NEMF: variants seen among roughly 807,000 people sequenced by gnomAD.
The protein encoded by NEMF is nuclear export mediator factor.
A neutral mutation model predicts 162.2 loss-of-function variants in NEMF; 89 were observed. The observed-to-expected ratio is 0.55, with a 90% CI of 0.46 to 0.65. NEMF has a LOEUF of 0.65. NEMF is among the 30% of genes least tolerant of loss of function. NEMF has a pLI of 0.00. For missense variants in NEMF, 1,133 were observed against 1,261.9 expected (o/e 0.90, Z 1.55); for synonymous variants, 421 against 404.5 (o/e 1.04, Z -0.49).
chr14:49,837,900 G>A (rs1469653539), intron 6 of NEMF, among the ~76,000 whole-genome samples: 2 of 148,900 alleles, frequency 1.3e-5, no homozygotes, highest in African/African-American at 2.5e-5. Flanking sequence ...TGATTTCTTA[G>A]AATACTACCA....
At chr14:49,807,619 G>A (rs1001140395) in intron 18 of NEMF, among the ~76,000 whole-genome samples, 8 of 144,596 alleles carry the variant, frequency 5.5e-5, no homozygotes, top group Admixed American at 3.5e-4. Flanking sequence ...TTTTTGAGAC[G>A]GAGTCTCTCT....
rs1307272753 is a variant in NEMF at position 49,800,641 on chromosome 14, T to C, written c.2151A>G (p.Glu717=). ...GGTCAACCTGAGTCATGAGTTCTACTTCCACAGGAGTTTCATGTTCTTCTT... is the reference window on the plus strand; with the variant it reads ...GGTCAACCTGAGTCATGAGTTCTACCTCCACAGGAGTTTCATGTTCTTCTT... ...EDKEEHETPV[E]VELMTQVDQE... is the part of the protein sequence containing the mutation. The change falls in exon 23 of 33, where the codon GAA becomes GAG. Residue 717 remains glutamate, a synonymous_variant. Coordinates refer to ENST00000298310, the MANE Select transcript of NEMF (RefSeq NM_004713.6). 2 of 1,613,808 alleles carry C rather than the reference T, an allele frequency of 1.2e-6. No homozygotes were observed. Among genetic ancestry groups the C allele is most frequent in the Admixed American group, 3.3e-5 (2 of 59,990 alleles).
chr14:49,842,817 G>A (rs977598342), intron 4 of NEMF, among the ~76,000 whole-genome samples: 16 of 152,232 alleles, frequency 1.1e-4, no homozygotes, highest in Admixed American at 7.2e-4. Context: ...GACCAGACTG[G>A]CCAACATGGT....
At position 49,829,391 on chromosome 14, in the gene NEMF, T is replaced by A; in HGVS notation, c.981A>T (p.Arg327=). The A allele has an allele frequency of 1.2e-6, 2 of 1,614,116 alleles. No individual in the cohort carries two copies. The highest frequency in any genetic ancestry group is 1.7e-6 in the Non-Finnish European group (2 of 1,180,018). ...KQALKKLDNV[R]KDHENRLEAL... is the part of the protein sequence containing the mutation. The stretch of plus-strand genomic sequence containing the variant: ...CTTCCAATCTGTTTTCGTGATCCTT[T>A]CGAACATTATCTAATTTCTTCAATG... Residue 327 remains arginine (R), a synonymous_variant, in exon 12 of 33, where the codon CGA becomes CGT. Transcript: ENST00000298310.
Position 49,806,075 on chromosome 14 carries a change from A to G in NEMF, c.1803T>C (p.Ser601=). ...TEAGTMALCY[S]AAWDARVITS... ...TGATAACTCGTGCATCCCAAGCAGC[A>G]CTGTAGCAAAGTGCCATTGTGCCAG... Residue 601 remains serine (S), a synonymous_variant, in exon 19 of 33, where the codon AGT becomes AGC. Transcript: ENST00000298310. The G allele has an allele frequency of 6.2e-7, 1 of 1,611,936 alleles. No individual in the cohort carries two copies. Among genetic ancestry groups the G allele is most frequent in the Non-Finnish European group, 8.5e-7 (1 of 1,179,256 alleles).
intron 23 of NEMF, among the ~76,000 whole-genome samples, chr14:49,800,206 A>G (rs947789357): frequency 2.0e-5 from 3 of 151,984 alleles, no homozygotes; most frequent in Admixed American, 6.6e-5. Flanking sequence ...ACTTGTTTCT[A>G]TTTGGATCTA....
chr14:49,817,763 C>G (rs758792120), intron 16 of NEMF, among the ~76,000 whole-genome samples: 71 of 152,170 alleles, frequency 4.7e-4, no homozygotes, highest in Admixed American at 9.2e-4. Flanking sequence ...CTTACCAAAA[C>G]TAGGAAATTT....
In NEMF at chr14:49,783,002, T is replaced by C. The variant is rs1328017764; in HGVS notation, c.*1634A>G. On this transcript the variant is annotated 3_prime_UTR_variant, in exon 33 of 33. Transcript: ENST00000298310. Reference sequence around the variant, plus strand: ...TCACCTTGCATGGACAGCAATCCTGTAAACATCACAGAGTGGCATCATTTG... The same window carrying C: ...TCACCTTGCATGGACAGCAATCCTGCAAACATCACAGAGTGGCATCATTTG... 6.3e-7 allele frequency: 1 copy of C among 1,575,884 alleles called. No individual in the cohort carries two copies. The highest frequency in any genetic ancestry group is 8.6e-7 in the Non-Finnish European group (1 of 1,156,908).
At chr14:49,837,441 C>T (rs1337859724) in intron 6 of NEMF, among the ~76,000 whole-genome samples, 1 of 151,716 alleles carries the variant, frequency 6.6e-6, no homozygotes, top group Non-Finnish European at 1.5e-5. Context: ...TGCTTGAGCT[C>T]GGAGTTTGAG....
At chr14:49,787,063 A>C in intron 28 of NEMF, 1 of 217,238 alleles carries the variant, frequency 4.6e-6, no homozygotes, top group Non-Finnish European at 9.1e-6. Flanking sequence ...TACAAGTACA[A>C]TTTAAAATGA....
chr14:49,782,566 T>C lies in NEMF; in HGVS notation c.*2070A>G. The C allele has an allele frequency of 6.2e-7, 1 of 1,607,244 alleles. No individual in the cohort carries two copies. The highest frequency in any genetic ancestry group is 8.5e-7 in the Non-Finnish European group (1 of 1,175,736). On this transcript the variant is annotated 3_prime_UTR_variant, in exon 33 of 33. Transcript: ENST00000298310. ...GGCACACAGTAATGAAATACTAATATTTTCAGTTCAACCAAAATCTCTTGT... is the reference window on the plus strand; with the variant it reads ...GGCACACAGTAATGAAATACTAATACTTTCAGTTCAACCAAAATCTCTTGT...
chr14:49,832,268 T>A lies in NEMF; in HGVS notation c.745A>T (p.Ile249Phe). Residue 249 changes from isoleucine to phenylalanine, a missense_variant, in exon 9 of 33, where the codon ATT (isoleucine) becomes TTT (phenylalanine). Coordinates refer to ENST00000298310, the MANE Select transcript of NEMF (RefSeq NM_004713.6). ...CTTGGTTTTATTTCTCTTTTCTGAATGATATATCCCTACAAAAATGCAACA... is the reference window on the plus strand; with the variant it reads ...CTTGGTTTTATTTCTCTTTTCTGAAAGATATATCCCTACAAAAATGCAACA... ...TSNFSGKGYIIQKREIKPSLE... is the reference protein window; with the variant it reads ...TSNFSGKGYIFQKREIKPSLE... 1 of 1,587,424 alleles carries A rather than the reference T, an allele frequency of 6.3e-7. No homozygotes were observed. Among genetic ancestry groups the A allele is most frequent in the Non-Finnish European group, 8.6e-7 (1 of 1,159,058 alleles).
In NEMF at chr14:49,784,908, C is replaced by T; in HGVS notation, c.3153+17G>A. On this transcript the variant is annotated intron_variant, in intron 32 of 32. Coordinates refer to ENST00000298310, the MANE Select transcript of NEMF (RefSeq NM_004713.6). ...TACTGTCAGTCTCCACATTCCTTTT[C>T]TGAAGGAGAACTTTACCTTTACGCT... The T allele has an allele frequency of 1.9e-6, 3 of 1,605,724 alleles. No homozygotes were observed. The highest frequency in any genetic ancestry group is 2.6e-6 in the Non-Finnish European group (3 of 1,173,420).
intron 16 of NEMF, among the ~76,000 whole-genome samples, chr14:49,817,896 G>A (rs1021993777): frequency 6.6e-6 from 1 of 152,052 alleles, no homozygotes; most frequent in African/African-American, 2.4e-5. Context: ...ACTGAAAAAG[G>A]AACACTTTCC....
At chr14:49,831,870 C>T (rs1037187430) in intron 10 of NEMF, among the ~76,000 whole-genome samples, 181 bp downstream of exon 10, 1 of 152,218 alleles carries the variant, frequency 6.6e-6, no homozygotes, top group African/African-American at 2.4e-5. Flanking sequence ...GTCCTTCATC[C>T]TGAAATAAAG....
At position 49,846,542 on chromosome 14, in the gene NEMF, T is replaced by C. The variant is rs531613067; in HGVS notation, c.232-277A>G. On this transcript the variant is annotated intron_variant, in intron 3 of 32. Transcript: ENST00000298310. ...GCCCAGTGGTGTGATCATGGCTCGCTGCAGCCTCGACTTCCCTGGCTCAGG... is the reference window on the plus strand; with the variant it reads ...GCCCAGTGGTGTGATCATGGCTCGCCGCAGCCTCGACTTCCCTGGCTCAGG... 4.6e-5 allele frequency among the ~76,000 whole-genome samples: 7 copies of C among 152,316 alleles called. No individual in the cohort carries two copies. The South Asian group carries it at 1.5e-3, about 32-fold the overall frequency.
At chr14:49,835,218 C>A (rs201371826) in intron 6 of NEMF, among the ~76,000 whole-genome samples, 217 of 132,844 alleles carry the variant, frequency 1.6e-3, no homozygotes, top group South Asian at 2.1e-3. Context: ...ACCCCGCAAC[C>A]AAAAAAAAAA....
chr14:49,820,541 G>A, intron 16 of NEMF: 1 of 455,690 alleles, frequency 2.2e-6, no homozygotes, highest in Non-Finnish European at 4.4e-6. Context: ...GGCCGAGGAG[G>A]GTGGATCACT....
At chr14:49,844,275 A>T (rs893816449) in intron 4 of NEMF, among the ~76,000 whole-genome samples, 2 of 152,108 alleles carry the variant, frequency 1.3e-5, no homozygotes, top group Non-Finnish European at 2.9e-5. Flanking sequence ...GAAGCATGCA[A>T]CCTAGATCCC....
Sources: allele counts gnomAD v4.1 joint callset (sites outside exome capture counted in the v4.1 genomes callset), GRCh38; gene constraint gnomAD v4.1.1; transcripts MANE v1.5; gene names NCBI Gene and HGNC (gene_info 2026-07-23, HGNC 2026-07-21).